Variants in KCNQ4 observed in about 807,000 individuals in gnomAD.
KCNQ4 encodes the protein potassium voltage-gated channel subfamily Q member 4, also known as potassium voltage-gated channel subfamily KQT member 4.
In KCNQ4, 31 loss-of-function variants were observed where a neutral mutation model predicts 72.6. That is an observed-to-expected ratio of 0.43 (90% CI 0.32 to 0.58). The LOEUF is 0.58. Ranked by LOEUF, KCNQ4 falls within the 20% of genes least tolerant of loss-of-function variation. The pLI is 0.08. For synonymous variants in KCNQ4, 405 were observed against 403.7 expected, an observed-to-expected ratio of 1.00 and a Z score of -0.04; for missense variants, 869 against 962.6, an observed-to-expected ratio of 0.90 and a Z score of 1.29.
rs555856316 is a variant in KCNQ4 at position 40,818,017 on chromosome 1, G to A, written c.406-147G>A. On this transcript the variant is annotated intron_variant, in intron 2 of 13. Coordinates refer to ENST00000347132, the MANE Select transcript of KCNQ4 (RefSeq NM_004700.4). Reference sequence around the variant, plus strand: ...AGGCGGAGGGGGCCACCTGCCCTCCGGAATCGTCAAGTCCAGGAAACTCCA... The same window carrying A: ...AGGCGGAGGGGGCCACCTGCCCTCCAGAATCGTCAAGTCCAGGAAACTCCA... 117 of 1,011,012 alleles carry A rather than the reference G, an allele frequency of 1.2e-4. 1 individual carries two copies. The East Asian group carries it at 2.7e-3, about 23-fold the overall frequency. The allele number at this position is 1,011,012 out of a possible 1,614,324, so 62.6% of individuals were successfully genotyped here. A position where few individuals can be genotyped will look rare whatever the true frequency, so the allele number is the denominator to read the frequency against.
At chr1:40,814,306 G>T (rs971545163) in intron 1 of KCNQ4, among the ~76,000 whole-genome samples, 7 of 151,510 alleles carry the variant, frequency 4.6e-5, no homozygotes, top group African/African-American at 1.7e-4. Flanking sequence ...CACCCACCTC[G>T]GCCTCCCAAA....
At chr1:40,795,233 A>G (rs1647378051) in intron 1 of KCNQ4, among the ~76,000 whole-genome samples, 1 of 146,908 alleles carries the variant, frequency 6.8e-6, no homozygotes, top group Admixed American at 6.8e-5. Flanking sequence ...TGTGAAGAAC[A>G]GGGGGGTTGT....
At position 40,837,649 on chromosome 1, in the gene KCNQ4, G is replaced by A; in HGVS notation, c.1746-16G>A. 2 of 1,610,752 alleles carry A rather than the reference G, an allele frequency of 1.2e-6. No individual in the cohort carries two copies. The highest frequency in any genetic ancestry group is 2.2e-5 in the South Asian group (2 of 90,748). On this transcript the variant is annotated splice_polypyrimidine_tract_variant and intron_variant, in intron 12 of 13. Coordinates refer to ENST00000347132, the MANE Select transcript of KCNQ4 (RefSeq NM_004700.4). Reference sequence around the variant, plus strand: ...CGGCGTGTCCCCGGGCCCTCTGATGGTTCCCTTACCCTTAGGGTGGACCAA... The same window carrying A: ...CGGCGTGTCCCCGGGCCCTCTGATGATTCCCTTACCCTTAGGGTGGACCAA...
At position 40,838,583 on chromosome 1, in the gene KCNQ4, C is replaced by G. The variant is rs1319926311; in HGVS notation, c.*60C>G. On this transcript the variant is annotated 3_prime_UTR_variant, in exon 14 of 14. Transcript: ENST00000347132. ...CCCCGCGGCCTGGCGCTCCGACTGCCCTCTGAGGCCTCCGGACTCCTCTCG... is the reference window on the plus strand; with the variant it reads ...CCCCGCGGCCTGGCGCTCCGACTGCGCTCTGAGGCCTCCGGACTCCTCTCG... The G allele has an allele frequency of 4.8e-6, 7 of 1,461,946 alleles. No homozygotes were observed. Among genetic ancestry groups the G allele is most frequent in the Non-Finnish European group, 5.8e-6 (6 of 1,042,594 alleles). 90.6% of individuals were successfully genotyped at this position (1,461,946 alleles called of 1,614,324 possible). A position where few individuals can be genotyped will look rare whatever the true frequency, so the allele number is the denominator to read the frequency against.
chr1:40,790,652 A>G (rs1270828839), intron 1 of KCNQ4, among the ~76,000 whole-genome samples: 1 of 152,204 alleles, frequency 6.6e-6, no homozygotes, highest in Admixed American at 6.5e-5. Flanking sequence ...TCATGAATGG[A>G]GCCCAGCCTG....
At chr1:40,793,922 T>C (rs958884728) in intron 1 of KCNQ4, among the ~76,000 whole-genome samples, 15 of 152,222 alleles carry the variant, frequency 9.9e-5, no homozygotes, top group Admixed American at 7.2e-4. Context: ...GCCCTGTGCG[T>C]TTTTTGCTTT....
chr1:40,819,094 C>A, intron 4 of KCNQ4: 1 of 541,718 alleles, frequency 1.8e-6, no homozygotes. Flanking sequence ...GTGCTGGAGT[C>A]CTGAGCCTGG....
chr1:40,834,008 CTAAATAGA>C (rs1213497977), intron 11 of KCNQ4, among the ~76,000 whole-genome samples: 1 of 151,874 alleles, frequency 6.6e-6, no homozygotes, highest in Non-Finnish European at 1.5e-5. Context: ...CACCTTGTCT[CTAAATAGA>C]TAAATAGATA....
At position 40,838,818 on chromosome 1, in the gene KCNQ4, C is replaced by A. The variant is rs554805730; in HGVS notation, c.*295C>A. ...CTCCATCAAGGCCCTATGTGGCCCACCTGGCAGGGGCACAGCCCCGGGAGT... is the reference window on the plus strand; with the variant it reads ...CTCCATCAAGGCCCTATGTGGCCCAACTGGCAGGGGCACAGCCCCGGGAGT... On this transcript the variant is annotated 3_prime_UTR_variant, in exon 14 of 14. Transcript: ENST00000347132. 1.7e-5 allele frequency: 9 copies of A among 516,212 alleles called. No individual in the cohort carries two copies. Among genetic ancestry groups the A allele is most frequent in the African/African-American group, 1.7e-4 (9 of 52,296 alleles). 32.0% of individuals were successfully genotyped at this position (516,212 alleles called of 1,614,324 possible). A position where few individuals can be genotyped will look rare whatever the true frequency, so the allele number is the denominator to read the frequency against.
chr1:40,802,901 C>T (rs1010047268), intron 1 of KCNQ4, among the ~76,000 whole-genome samples: 1 of 152,208 alleles, frequency 6.6e-6, no homozygotes, highest in African/African-American at 2.4e-5. Context: ...AAAAGTCACA[C>T]AGCCAAGGCA....
At chr1:40,818,077 C>T in intron 2 of KCNQ4, 87 bp from the exon 3 acceptor site, 2 of 1,580,304 alleles carry the variant, frequency 1.3e-6, no homozygotes, top group Non-Finnish European at 1.7e-6. Context: ...GTCCCCCTAA[C>T]CCAGGGACTC....
At chr1:40,824,586 A>G (rs1648420226) in intron 9 of KCNQ4, among the ~76,000 whole-genome samples, 1 of 151,498 alleles carries the variant, frequency 6.6e-6, no homozygotes, top group Non-Finnish European at 1.5e-5. Context: ...CCATCCCTGC[A>G]CCCCCATCCC....
At chr1:40,804,586 CAGG>C (rs1647699219) in intron 1 of KCNQ4, among the ~76,000 whole-genome samples, 1 of 152,104 alleles carries the variant, frequency 6.6e-6, no homozygotes, top group African/African-American at 2.4e-5. Flanking sequence ...GAGATGGAGG[CAGG>C]AGAATTGTTT....
At chr1:40,825,737 C>T (rs1378774413) in intron 9 of KCNQ4, among the ~76,000 whole-genome samples, 3 of 152,126 alleles carry the variant, frequency 2.0e-5, no homozygotes, top group African/African-American at 4.8e-5. Flanking sequence ...GTTTTTGTAT[C>T]CCAGCAATCC....
intron 5 of KCNQ4, 52 bp from the exon 6 acceptor site, chr1:40,819,823 C>A: frequency 1.4e-6 from 2 of 1,410,094 alleles, no homozygotes; most frequent in Non-Finnish European, 1.0e-6. Context: ...CCCCAACAAG[C>A]CGTAGGTGGC....
chr1:40,822,650 C>T (rs888133209), intron 8 of KCNQ4, among the ~76,000 whole-genome samples: 26 of 152,182 alleles, frequency 1.7e-4, no homozygotes, highest in African/African-American at 2.4e-4. Flanking sequence ...GGCTGAACCC[C>T]GGCCCTGGAG....
intron 9 of KCNQ4, among the ~76,000 whole-genome samples, chr1:40,827,450 A>G (rs769228136): frequency 9.2e-5 from 14 of 152,094 alleles, no homozygotes. Context: ...TGGGGAAAAA[A>G]GCTGGCAGCC....
intron 1 of KCNQ4, among the ~76,000 whole-genome samples, chr1:40,792,728 G>T (rs957965710): frequency 6.6e-6 from 1 of 152,224 alleles, no homozygotes; most frequent in East Asian, 1.9e-4. Context: ...AGGAAGGGAG[G>T]TACAACCTGG....
intron 1 of KCNQ4, among the ~76,000 whole-genome samples, chr1:40,785,698 C>T (rs1326212534): frequency 1.3e-5 from 2 of 152,262 alleles, no homozygotes; most frequent in South Asian, 2.1e-4. Context: ...GTCCACTCTT[C>T]CTCTACCTGT....
Sources: allele counts gnomAD v4.1 joint callset (sites outside exome capture counted in the v4.1 genomes callset), GRCh38; gene constraint gnomAD v4.1.1; transcripts MANE v1.5; gene names NCBI Gene and HGNC (gene_info 2026-07-23, HGNC 2026-07-21).